GEMIN8: variants seen among roughly 807,000 people sequenced by gnomAD.
The protein encoded by GEMIN8 is gem nuclear organelle associated protein 8.
For missense variants in GEMIN8, 185 were observed against 205.9 expected (o/e 0.90, Z 0.62); for synonymous variants, 80 against 78.5 (o/e 1.02, Z -0.10).
At chrX:13,990,521 T>C in the GEMIN8 span, among the ~76,000 whole-genome samples, 1 of 112,229 alleles carries the variant, frequency 8.9e-6, no homozygotes, top group Non-Finnish European at 1.9e-5. Context: ...CAGAAGAGAA[T>C]GGTTGGAGTT....
At chrX:13,998,149 C>T in the GEMIN8 span, among the ~76,000 whole-genome samples, 1 of 105,360 alleles carries the variant, frequency 9.5e-6, no homozygotes, top group African/African-American at 3.5e-5. Context: ...AATCACGGCT[C>T]TCTGCAGCTT....
the GEMIN8 span, among the ~76,000 whole-genome samples, chrX:13,992,169 G>A: frequency 8.9e-6 from 1 of 111,916 alleles, no homozygotes; most frequent in East Asian, 2.8e-4. Flanking sequence ...TGTATACAAC[G>A]TAAATGTCAA....
the GEMIN8 span, among the ~76,000 whole-genome samples, chrX:13,997,239 T>C: frequency 9.0e-6 from 1 of 111,482 alleles, no homozygotes; most frequent in Admixed American, 9.6e-5. Context: ...CGTGCCCGGC[T>C]GGCTTGTCCT....
intron 4 of GEMIN8, among the ~76,000 whole-genome samples, chrX:14,011,516 CTTTTTTTTTTTTTTTT>C (rs575651297): frequency 1.5e-3 from 93 of 60,385 alleles, no homozygotes; most frequent in South Asian, 9.2e-3. Context: ...CTATGGCTCT[CTTTTTTTTTTTTTTTT>C]TTTTTTTTTT....
intron 2 of GEMIN8, among the ~76,000 whole-genome samples, chrX:14,024,016 A>T (rs946364048): frequency 1.1e-4 from 12 of 112,665 alleles, no homozygotes; most frequent in African/African-American, 2.9e-4. Flanking sequence ...TTTAGTTATA[A>T]TTGGGAAAAT....
At chrX:14,028,090 T>C (rs1356394737) in intron 1 of GEMIN8, among the ~76,000 whole-genome samples, 1 of 112,389 alleles carries the variant, frequency 8.9e-6, no homozygotes, top group Non-Finnish European at 1.9e-5. Context: ...TATAAACATA[T>C]TCACGGTAAT....
chrX:13,999,771 C>A, the GEMIN8 span, among the ~76,000 whole-genome samples: 5 of 111,464 alleles, frequency 4.5e-5, no homozygotes, highest in Non-Finnish European at 9.4e-5. Flanking sequence ...TTGGGCTTAT[C>A]TGATATTTTT....
At chrX:14,012,674 T>A (rs746715501) in intron 4 of GEMIN8, among the ~76,000 whole-genome samples, 27 of 112,033 alleles carry the variant, frequency 2.4e-4, no homozygotes, top group Non-Finnish European at 4.1e-4. Context: ...AGGAAGTGAC[T>A]GTCAAATGAA....
intron 2 of GEMIN8, among the ~76,000 whole-genome samples, chrX:14,024,496 C>T (rs1312834196): frequency 9.2e-6 from 1 of 109,192 alleles, no homozygotes; most frequent in Non-Finnish European, 1.9e-5. Flanking sequence ...GAGACTCAGT[C>T]TCAAAAACAA....
At chrX:13,990,552 G>GT in the GEMIN8 span, among the ~76,000 whole-genome samples, 1 of 112,292 alleles carries the variant, frequency 8.9e-6, no homozygotes, top group Non-Finnish European at 1.9e-5. Context: ...GAGTGCATGG[G>GT]TCACCCACAG....
At position 14,007,675 on chromosome X, in the gene GEMIN8, C is replaced by T. The variant is rs1195517169; in HGVS notation, c.*1238G>A. ...CCCAAGTAGCTGGGACTACAGGTGC[C>T]CGCCACCACGCCCGGCTAATTTTTT... is the stretch of plus-strand genomic sequence containing the variant. On this transcript the variant is annotated 3_prime_UTR_variant, in exon 5 of 5. Transcript: ENST00000680255. Among the ~76,000 whole-genome samples the T allele has an allele frequency of 9.2e-6, 1 of 108,706 alleles. No individual in the cohort carries two copies. The highest frequency in any genetic ancestry group is 9.9e-5 in the Admixed American group (1 of 10,150). The allele number at this position is 108,706 out of a possible 115,157, so 94.4% of individuals were successfully genotyped here.
At chrX:13,986,042 T>G in the GEMIN8 span, among the ~76,000 whole-genome samples, 10 of 112,392 alleles carry the variant, frequency 8.9e-5, no homozygotes, top group African/African-American at 2.6e-4. Context: ...TAGTAACTAC[T>G]GCTATTTCTA....
chrX:14,019,805 C>G (rs765191401), intron 4 of GEMIN8, among the ~76,000 whole-genome samples: 13 of 110,614 alleles, frequency 1.2e-4, no homozygotes, highest in African/African-American at 4.3e-4. Context: ...CATACACACT[C>G]CATTTGGTAG....
chrX:14,002,871 T>C (rs1923022741), downstream of GEMIN8, among the ~76,000 whole-genome samples: 1 of 111,673 alleles, frequency 9.0e-6, no homozygotes, highest in Non-Finnish European at 1.9e-5. Context: ...AGTGGTAGGA[T>C]GTCACTGGAT....
At chrX:14,021,127 C>T (rs2147134966) in intron 3 of GEMIN8, among the ~76,000 whole-genome samples, 1 of 108,171 alleles carries the variant, frequency 9.2e-6, no homozygotes, top group South Asian at 4.1e-4. Context: ...TAAAATTTAC[C>T]AGCAAACTAT....
intron 4 of GEMIN8, 63 bp downstream of exon 4, chrX:14,020,015 G>T: frequency 1.6e-6 from 1 of 631,652 alleles, no homozygotes; most frequent in Non-Finnish European, 2.5e-6. Context: ...ATATATTAGA[G>T]AAAAAAAATG....
chrX:13,991,690 G>A, the GEMIN8 span, among the ~76,000 whole-genome samples: 2 of 107,969 alleles, frequency 1.9e-5, no homozygotes, highest in African/African-American at 3.4e-5. Context: ...CTATAGCTAA[G>A]AGGAGAATAA....
At chrX:13,989,287 G>C in the GEMIN8 span, among the ~76,000 whole-genome samples, 1 of 109,110 alleles carries the variant, frequency 9.2e-6, no homozygotes, top group African/African-American at 3.3e-5. Flanking sequence ...TTTTTTGGTA[G>C]AGATGAAGTC....
rs1461099828 is a variant in GEMIN8, at chrX:14,025,688, T to C, written c.-34+452A>G. Among the ~76,000 whole-genome samples the C allele has an allele frequency of 4.5e-5, 5 of 112,149 alleles. No individual in the cohort carries two copies. The Middle Eastern group carries it at 0.014, about 309-fold the overall frequency. ...CACTCTCCATGACTAAATAAGGAAA[T>C]TGGATCTTTTCTTAAATATCCATAT... On this transcript the variant is annotated intron_variant, in intron 2 of 4. Coordinates refer to ENST00000680255, the MANE Select transcript of GEMIN8 (RefSeq NM_001042479.2).
Sources: gnomAD v4.1 joint callset for allele counts (sites outside exome capture counted in the v4.1 genomes callset) on GRCh38, gnomAD v4.1.1 for gene constraint, MANE v1.5 for transcripts, NCBI Gene and HGNC (gene_info 2026-07-23, HGNC 2026-07-21) for gene names.